The following PSMD11 variants were observed in gnomAD, a reference collection of about 807,000 sequenced individuals.
The protein encoded by PSMD11 is proteasome 26S subunit, non-ATPase 11.
In PSMD11, 5 loss-of-function variants were observed where a neutral mutation model predicts 62.3. The observed-to-expected ratio is 0.08, with a 90% confidence interval of 0.04 to 0.17. PSMD11 has a LOEUF of 0.17. Ranked by LOEUF, PSMD11 falls within the 10% of genes least tolerant of loss-of-function variation. The pLI, the probability that PSMD11 is intolerant of heterozygous loss-of-function variation, is 1.00. For synonymous variants in PSMD11, 191 were observed against 191.8 expected, an observed-to-expected ratio of 1.00 and a Z score of 0.03; for missense variants, 310 against 512.9, an observed-to-expected ratio of 0.60 and a Z score of 3.82.
chr17:32,466,790 C>T (rs1908004194), intron 5 of PSMD11, among the ~76,000 whole-genome samples: 1 of 152,176 alleles, frequency 6.6e-6, no homozygotes, highest in African/African-American at 2.4e-5. Context: ...TCCAATTTTT[C>T]CATATCCTTA....
At chr17:32,471,526 A>G (rs1348136454) in intron 6 of PSMD11, among the ~76,000 whole-genome samples, 1 of 152,238 alleles carries the variant, frequency 6.6e-6, no homozygotes, top group Non-Finnish European at 1.5e-5. Context: ...GCATAAATAT[A>G]AAACTATCAG....
At chr17:32,461,044 T>C (rs1907823268) in intron 3 of PSMD11, among the ~76,000 whole-genome samples, 1 of 152,062 alleles carries the variant, frequency 6.6e-6, no homozygotes, top group African/African-American at 2.4e-5. Flanking sequence ...ATGGGCAACT[T>C]TTCTGGTATA....
intron 9 of PSMD11, among the ~76,000 whole-genome samples, chr17:32,478,901 T>C (rs1878045372): frequency 6.6e-6 from 1 of 151,940 alleles, no homozygotes; most frequent in Non-Finnish European, 1.5e-5. Context: ...TTCTATTTTG[T>C]ATTTTTTTTT....
intron 3 of PSMD11, among the ~76,000 whole-genome samples, chr17:32,460,554 G>T (rs1279966192): frequency 2.0e-5 from 3 of 152,042 alleles, no homozygotes; most frequent in African/African-American, 7.2e-5. Context: ...TGGGCGGATT[G>T]TGAGGTTAGG....
chr17:32,479,576 CT>C (rs1908430112), intron 10 of PSMD11, 200 bp downstream of exon 10: 1 of 794,314 alleles, frequency 1.3e-6, no homozygotes, highest in Non-Finnish European at 2.0e-6. Flanking sequence ...TGGGTTGCCC[CT>C]GCATGTGTTC....
chr17:32,454,270 T>A (rs1053718173), intron 2 of PSMD11, among the ~76,000 whole-genome samples: 1 of 152,190 alleles, frequency 6.6e-6, no homozygotes, highest in African/African-American at 2.4e-5. Flanking sequence ...TTCATAGTAA[T>A]CCAGTGGCTG....
chr17:32,444,978 G>A (rs1907287569), intron 1 of PSMD11: 2 of 357,096 alleles, frequency 5.6e-6, no homozygotes, highest in Non-Finnish European at 1.0e-5. Flanking sequence ...GCTTGTCACG[G>A]ACTGGTCCTA....
chr17:32,447,092 C>G, intron 2 of PSMD11, 46 bp downstream of exon 2: 1 of 1,445,198 alleles, frequency 6.9e-7, no homozygotes, highest in Non-Finnish European at 9.6e-7. Context: ...AGTGAAATTC[C>G]TGTCTTTTGT....
At chr17:32,479,434 C>T (rs1908426191) in intron 10 of PSMD11, 58 bp downstream of exon 10, 1 of 1,591,486 alleles carries the variant, frequency 6.3e-7, no homozygotes, top group East Asian at 2.2e-5. Flanking sequence ...AGCCACCTCC[C>T]TTCCACACCT....
intron 5 of PSMD11, among the ~76,000 whole-genome samples, chr17:32,467,997 C>T (rs114638254): frequency 1.8e-4 from 27 of 152,234 alleles, no homozygotes; most frequent in African/African-American, 6.5e-4. Context: ...TGTTCCCCTC[C>T]GCGTTCAGGT....
At chr17:32,445,586 C>G (rs895181999) in intron 1 of PSMD11, 1 of 152,206 alleles carries the variant, frequency 6.6e-6, no homozygotes, top group South Asian at 2.1e-4. Flanking sequence ...AATGTTCACT[C>G]ATAAAGGATT....
At position 32,482,041 on chromosome 17, in the gene PSMD11, T is replaced by A. The variant is rs1016024431; in HGVS notation, c.*1289T>A. ...ATTTTCTTCTCTCATCTCCTCTTTG[T>A]CTTTTTCTCTTTTCCTCTCCTTCCT... On this transcript the variant is annotated 3_prime_UTR_variant, in exon 14 of 14. Coordinates refer to ENST00000261712, the MANE Select transcript of PSMD11 (RefSeq NM_002815.4). 1 of 152,154 alleles carries A rather than the reference T, an allele frequency of 6.6e-6. No homozygotes were observed. The allele number at this position is 152,154 out of a possible 1,614,324, so 9.4% of individuals were successfully genotyped here.
intron 7 of PSMD11, 144 bp downstream of exon 7, chr17:32,474,089 G>C: frequency 6.2e-6 from 6 of 964,690 alleles, no homozygotes; most frequent in Non-Finnish European, 9.2e-6. Context: ...AAGGTAGAGC[G>C]GGAGGATCAA....
chr17:32,448,623 T>G lies in PSMD11; in HGVS notation c.193+1577T>G, dbSNP rs550333578. 6.6e-5 allele frequency among the ~76,000 whole-genome samples: 10 copies of G among 152,286 alleles called. No individual in the cohort carries two copies. In the South Asian group the frequency reaches 2.1e-3, roughly 32 times the overall value. ...CCTGACCTCAGGTGATCTACCTGCC[T>G]TGGCCTCCCAAAATGATGGGATTAC... On this transcript the variant is annotated intron_variant, in intron 2 of 13. Coordinates refer to ENST00000261712, the MANE Select transcript of PSMD11 (RefSeq NM_002815.4).
intron 3 of PSMD11, among the ~76,000 whole-genome samples, chr17:32,462,764 G>A (rs778392234): frequency 1.1e-4 from 16 of 152,012 alleles, no homozygotes; most frequent in Non-Finnish European, 2.1e-4. Flanking sequence ...TCGGCTCACC[G>A]CAACCTCCAC....
At chr17:32,477,607 T>G (rs1011638533) in intron 9 of PSMD11, 24 bp downstream of exon 9, 41 of 1,585,590 alleles carry the variant, frequency 2.6e-5, no homozygotes, top group Non-Finnish European at 3.5e-5. Flanking sequence ...TGGGTTGGTA[T>G]GGAATGTGAG....
intron 2 of PSMD11, among the ~76,000 whole-genome samples, chr17:32,449,058 A>G (rs146932313): frequency 2.0e-5 from 3 of 152,206 alleles, no homozygotes; most frequent in Non-Finnish European, 2.9e-5. Flanking sequence ...CATGCAAAAT[A>G]TAATAAGGTA....
At chr17:32,465,845 C>T in intron 5 of PSMD11, among the ~76,000 whole-genome samples, 1 of 152,070 alleles carries the variant, frequency 6.6e-6, no homozygotes, top group East Asian at 2.0e-4. Flanking sequence ...CATGGTGGTG[C>T]ACACCTGTAA....
chr17:32,475,341 T>C (rs1431812731), intron 8 of PSMD11, among the ~76,000 whole-genome samples: 4 of 152,098 alleles, frequency 2.6e-5, no homozygotes, highest in Non-Finnish European at 5.9e-5. Flanking sequence ...CTTTTTTTTT[T>C]TTTGTTACCT....
Sources: gnomAD v4.1 joint callset for allele counts (sites outside exome capture counted in the v4.1 genomes callset) on GRCh38, gnomAD v4.1.1 for gene constraint, MANE v1.5 for transcripts, NCBI Gene and HGNC (gene_info 2026-07-23, HGNC 2026-07-21) for gene names.